RNF17: variants seen among roughly 807,000 people sequenced by gnomAD.
RNF17 encodes ring finger protein 17.
A neutral mutation model predicts 200.5 loss-of-function variants in RNF17; 31 were observed. The ratio of observed to expected loss-of-function variants is 0.15; its 90% CI spans 0.12 to 0.21. The LOEUF is 0.21. Among genes scored for constraint, RNF17 ranks in the 10% least tolerant of loss-of-function variants. RNF17 has a pLI of 1.00. For synonymous variants in RNF17, 606 were observed against 637.8 expected (o/e 0.95, Z 0.75); for missense variants, 1,628 against 1,905.1 (o/e 0.85, Z 2.71).
intron 18 of RNF17, among the ~76,000 whole-genome samples, chr13:24,836,818 C>CAAA (rs56117531): frequency 1.3e-5 from 2 of 151,996 alleles, no homozygotes; most frequent in African/African-American, 4.8e-5. Flanking sequence ...AAAGCAAAAA[C>CAAA]AAAACCAAAG....
At chr13:24,765,570 C>T (rs1170945756) in intron 1 of RNF17, among the ~76,000 whole-genome samples, 2 of 152,168 alleles carry the variant, frequency 1.3e-5, no homozygotes, top group Admixed American at 1.3e-4. Context: ...GGGTTTAGAT[C>T]ACTGCTACCG....
downstream of RNF17, chr13:24,883,139 AAGTC>A: frequency 6.5e-7 from 1 of 1,535,612 alleles, no homozygotes; most frequent in Non-Finnish European, 9.0e-7. Context: ...TTAACATAAA[AAGTC>A]AGTTACTGTT....
Position 24,786,287 on chromosome 13 carries a change from A to G in RNF17, c.612-1701A>G, listed in dbSNP as rs1367865796. ...AGACAGCTTAACTTTAGTTGCATAT[A>G]AAACCTCTACTGCTTTACAAATCTG... On this transcript the variant is annotated intron_variant, in intron 6 of 35. Coordinates refer to ENST00000255324, the MANE Select transcript of RNF17 (RefSeq NM_031277.3). Among the ~76,000 whole-genome samples the G allele has an allele frequency of 2.6e-5, 4 of 152,218 alleles. No individual in the cohort carries two copies. The East Asian group carries it at 7.7e-4, about 29-fold the overall frequency.
the RNF17 span, among the ~76,000 whole-genome samples, chr13:24,758,134 T>TA: frequency 6.6e-6 from 1 of 152,212 alleles, no homozygotes; most frequent in Non-Finnish European, 1.5e-5. Context: ...ATGAGCCAAT[T>TA]AAACCTCTTT....
At chr13:24,843,699 A>G (rs760789225) in intron 19 of RNF17, 45 bp from the exon 20 acceptor site, 1 of 1,157,874 alleles carries the variant, frequency 8.6e-7, no homozygotes, top group Non-Finnish European at 1.3e-6. Flanking sequence ...ATGCAAACAA[A>G]TATTTTGCAT....
intron 16 of RNF17, among the ~76,000 whole-genome samples, chr13:24,829,667 C>T (rs989849198): frequency 2.0e-5 from 3 of 152,128 alleles, no homozygotes; most frequent in African/African-American, 7.2e-5. Context: ...GATTTTTTTG[C>T]ATATTGAAAT....
intron 15 of RNF17, among the ~76,000 whole-genome samples, chr13:24,823,151 G>A (rs1888259966): frequency 6.6e-6 from 1 of 152,058 alleles, no homozygotes; most frequent in African/African-American, 2.4e-5. Context: ...TCAGCTCCCT[G>A]CAACCTCCAC....
the RNF17 span, chr13:24,885,920 C>G: frequency 3.9e-6 from 2 of 510,246 alleles, no homozygotes; most frequent in African/African-American, 3.9e-5. Context: ...ATGAAACAGC[C>G]TGACAGACCC....
intron 8 of RNF17, 86 bp downstream of exon 8, chr13:24,789,510 T>A: frequency 9.1e-7 from 1 of 1,093,446 alleles, no homozygotes; most frequent in Admixed American, 2.0e-5. Context: ...TAATAATAAA[T>A]TGAAATTTTG....
chr13:24,784,121 A>G (rs1489376636), intron 6 of RNF17, among the ~76,000 whole-genome samples: 2 of 152,174 alleles, frequency 1.3e-5, no homozygotes, highest in African/African-American at 4.8e-5. Flanking sequence ...TTGAGAAACC[A>G]CTTGGGCTTT....
intron 16 of RNF17, among the ~76,000 whole-genome samples, chr13:24,827,558 C>T (rs1228051999): frequency 5.9e-5 from 9 of 151,282 alleles, no homozygotes; most frequent in Non-Finnish European, 1.2e-4. Context: ...AAAAATTAGC[C>T]GGGCGTAGTG....
At chr13:24,803,277 T>G (rs966430331) in intron 14 of RNF17, among the ~76,000 whole-genome samples, 6 of 152,200 alleles carry the variant, frequency 3.9e-5, no homozygotes, top group Admixed American at 1.3e-4. Flanking sequence ...AATAGATGTT[T>G]AAAGTTTCTT....
chr13:24,807,042 C>T (rs1885976078), intron 15 of RNF17, among the ~76,000 whole-genome samples: 1 of 151,712 alleles, frequency 6.6e-6, no homozygotes, highest in African/African-American at 2.4e-5. Flanking sequence ...TTAATCCAGT[C>T]TATCATTGTT....
intron 12 of RNF17, 57 bp downstream of exon 12, chr13:24,799,641 T>A: frequency 5.6e-6 from 6 of 1,065,522 alleles, no homozygotes; most frequent in Non-Finnish European, 6.9e-6. Context: ...TGGAGGGAGG[T>A]GGAGTTAAAG....
At chr13:24,773,430 T>A (rs34198377) in intron 2 of RNF17, among the ~76,000 whole-genome samples, 11 of 152,190 alleles carry the variant, frequency 7.2e-5, no homozygotes, top group Non-Finnish European at 1.2e-4. Context: ...AAGGCCATTA[T>A]CCTAAGCAAA....
intron 26 of RNF17, 70 bp downstream of exon 26, chr13:24,859,234 G>T: frequency 9.0e-7 from 1 of 1,114,596 alleles, no homozygotes; most frequent in South Asian, 2.9e-5. Flanking sequence ...TTGTGCATTT[G>T]AACACGAGAA....
At chr13:24,838,213 A>G (rs1041928856) in intron 18 of RNF17, among the ~76,000 whole-genome samples, 3 of 152,056 alleles carry the variant, frequency 2.0e-5, no homozygotes, top group African/African-American at 7.2e-5. Flanking sequence ...ATTACCAACA[A>G]AAAAAAGGAC....
At chr13:24,787,621 T>A (rs1023434208) in intron 6 of RNF17, among the ~76,000 whole-genome samples, 2 of 152,184 alleles carry the variant, frequency 1.3e-5, no homozygotes, top group Admixed American at 1.3e-4. Flanking sequence ...ATAACTGCTT[T>A]TATATGCCTT....
chr13:24,876,549 G>A (rs1021195530), intron 33 of RNF17, among the ~76,000 whole-genome samples: 2 of 152,290 alleles, frequency 1.3e-5, no homozygotes, highest in South Asian at 2.1e-4. Context: ...CTAAGAGTGC[G>A]CAAAGGTTCC....
Sources: allele counts gnomAD v4.1 joint callset (sites outside exome capture counted in the v4.1 genomes callset), GRCh38; gene constraint gnomAD v4.1.1; transcripts MANE v1.5; gene names NCBI Gene and HGNC (gene_info 2026-07-23, HGNC 2026-07-21).